Variants in LLPH observed in about 807,000 individuals in gnomAD.
LLPH encodes protein LLP homolog.
Under a neutral mutation model 13.3 loss-of-function variants are expected in LLPH, and 5 were observed. The ratio of observed to expected loss-of-function variants is 0.38; its 90% CI spans 0.20 to 0.79. The LOEUF (loss-of-function observed/expected upper bound fraction) is 0.79. Among genes scored for constraint, LLPH ranks in the 30% least tolerant of loss-of-function variants. The pLI is 0.45. For missense variants in LLPH, 129 were observed against 152.1 expected, an observed-to-expected ratio of 0.85 and a Z score of 0.80; for synonymous variants, 32 against 44.2, an observed-to-expected ratio of 0.72 and a Z score of 1.09.
chr12:66,129,248 T>C, intron 1 of LLPH, 135 bp from the exon 2 acceptor site: 1 of 637,666 alleles, frequency 1.6e-6, no homozygotes, highest in Non-Finnish European at 2.8e-6. Flanking sequence ...TCTGTTCACT[T>C]TTTAGGACTT....
intron 2 of LLPH, among the ~76,000 whole-genome samples, chr12:66,126,508 T>C (rs1204436868): frequency 6.6e-6 from 1 of 152,202 alleles, no homozygotes; most frequent in Non-Finnish European, 1.5e-5. Context: ...GGGCATCTGG[T>C]ATCTAGAACA....
intron 1 of LLPH, 71 bp from the exon 2 acceptor site, chr12:66,129,184 A>G: frequency 9.9e-7 from 1 of 1,007,972 alleles, no homozygotes; most frequent in Non-Finnish European, 1.5e-6. Flanking sequence ...AAATCCTTAG[A>G]AAACCAGGCC....
In LLPH at chr12:66,123,934, T is replaced by C; in HGVS notation, c.296A>G (p.Gln99Arg). The change falls in exon 3 of 3, where the codon CAA becomes CGA. Residue 99 changes from glutamine (Q) to arginine (R), a missense_variant. Coordinates refer to ENST00000266604, the MANE Select transcript of LLPH (RefSeq NM_032338.4). Reference protein sequence around the residue: ...QHGQYPIWMNQRQRKRLKAKR... With the variant: ...QHGQYPIWMNRRQRKRLKAKR... Reference sequence around the variant, plus strand: ...TGCCTTCAGCCTTTTTCTTTGCCTTTGGTTCATCCATATTGGGTACTGTCC... The same window carrying C: ...TGCCTTCAGCCTTTTTCTTTGCCTTCGGTTCATCCATATTGGGTACTGTCC... 7 of 1,613,184 alleles carry C rather than the reference T, an allele frequency of 4.3e-6. No homozygotes were observed. Among genetic ancestry groups the C allele is most frequent in the Non-Finnish European group, 5.9e-6 (7 of 1,179,416 alleles).
rs1565778059 is a variant in LLPH, at chr12:66,129,067, G to GC, written c.39dup (p.Arg14AlafsTer3). Reference sequence around the variant, plus strand: ...GCATTCTTTTTTCTCTTTTCAGCACGCATCTTTCTTTTCCACTTACTCCGT... The same window carrying GC: ...GCATTCTTTTTTCTCTTTTCAGCACGCCATCTTTCTTTTCCACTTACTCCGT... On this transcript the variant is annotated frameshift_variant, in exon 2 of 3. Coordinates refer to ENST00000266604, the MANE Select transcript of LLPH (RefSeq NM_032338.4). LOFTEE classifies it high-confidence loss of function. 6.2e-7 allele frequency: 1 copy of GC among 1,611,834 alleles called. No individual in the cohort carries two copies. The highest frequency in any genetic ancestry group is 1.1e-5 in the South Asian group (1 of 90,668).
intron 1 of LLPH, among the ~76,000 whole-genome samples, chr12:66,129,760 C>G (rs2051522915): frequency 1.3e-5 from 2 of 152,154 alleles, no homozygotes; most frequent in South Asian, 4.1e-4. Context: ...TATGCAACAG[C>G]TTACAAATTA....
At chr12:66,129,617 C>T (rs1297672826) in intron 1 of LLPH, among the ~76,000 whole-genome samples, 2 of 152,108 alleles carry the variant, frequency 1.3e-5, no homozygotes, top group East Asian at 3.9e-4. Flanking sequence ...GATCTCCTGA[C>T]ATTGTGATCC....
In LLPH at chr12:66,123,641, T is replaced by A. The variant is rs962921615; in HGVS notation, c.*199A>T. 1.7e-6 allele frequency: 1 copy of A among 593,086 alleles called. No homozygotes were observed. The highest frequency in any genetic ancestry group is 1.9e-5 in the African/African-American group (1 of 53,602). The allele number at this position is 593,086 out of a possible 1,614,324, so 36.7% of individuals were successfully genotyped here. A position where few individuals can be genotyped will look rare whatever the true frequency, so the allele number is the denominator to read the frequency against. On this transcript the variant is annotated 3_prime_UTR_variant, in exon 3 of 3. Transcript: ENST00000266604. ...AGTTAAAGTATCAGTAGAGCTTGGA[T>A]GTATCAAAGAAAATATTTTATTCAA...
rs1286847717 is a variant in LLPH at position 66,121,918 on chromosome 12, C to T, written c.*1922G>A. 6.7e-6 allele frequency: 1 copy of T among 149,812 alleles called. No individual in the cohort carries two copies. Among genetic ancestry groups the T allele is most frequent in the East Asian group, 2.0e-4 (1 of 5,094 alleles). 9.3% of individuals were successfully genotyped at this position (149,812 alleles called of 1,614,324 possible). Reference sequence around the variant, plus strand: ...AAAAAAAAAAACATAAATAATTCAGCTACTGTATTTAGGCTGATATTGTCA... The same window carrying T: ...AAAAAAAAAAACATAAATAATTCAGTTACTGTATTTAGGCTGATATTGTCA... On this transcript the variant is annotated 3_prime_UTR_variant, in exon 3 of 3. Transcript: ENST00000266604.
At position 66,120,294 on chromosome 12, in the gene LLPH, T is replaced by A. The variant is rs769643807; in HGVS notation, c.*3546A>T. Reference sequence around the variant, plus strand: ...TGACCCAAAAATAGGTATTCTATCCTAAAATCACCTTTCTCTCTTAGCAAG... The same window carrying A: ...TGACCCAAAAATAGGTATTCTATCCAAAAATCACCTTTCTCTCTTAGCAAG... On this transcript the variant is annotated 3_prime_UTR_variant, in exon 3 of 3. Transcript: ENST00000266604. 1.2e-4 allele frequency: 18 copies of A among 152,244 alleles called. No individual in the cohort carries two copies. The highest frequency in any genetic ancestry group is 2.2e-4 in the Non-Finnish European group (15 of 68,054). The allele number at this position is 152,244 out of a possible 1,614,324, so 9.4% of individuals were successfully genotyped here.
chr12:66,125,330 T>C (rs906633623), intron 2 of LLPH, among the ~76,000 whole-genome samples: 1 of 152,038 alleles, frequency 6.6e-6, no homozygotes, highest in Non-Finnish European at 1.5e-5. Flanking sequence ...TTTGGGACAA[T>C]CAGTAAGACT....
intron 2 of LLPH, 53 bp downstream of exon 2, chr12:66,128,843 T>C (rs2136831544): frequency 8.7e-7 from 1 of 1,151,754 alleles, no homozygotes; most frequent in Non-Finnish European, 1.2e-6. Context: ...AAGGAGACCC[T>C]GCCTCAAAAA....
Position 66,116,618 on chromosome 12 carries a change from A to G in LLPH, c.*7222T>C, listed in dbSNP as rs1208060780. On this transcript the variant is annotated 3_prime_UTR_variant, in exon 3 of 3. Transcript: ENST00000266604. Reference sequence around the variant, plus strand: ...CCACATGTACTAACAGTTGCTGTACAATGATACACAACACCCAACTAAGAC... The same window carrying G: ...CCACATGTACTAACAGTTGCTGTACGATGATACACAACACCCAACTAAGAC... 1.3e-5 allele frequency: 2 copies of G among 152,238 alleles called. No homozygotes were observed. The highest frequency in any genetic ancestry group is 4.8e-5 in the African/African-American group (2 of 41,464). 9.4% of individuals were successfully genotyped at this position (152,238 alleles called of 1,614,324 possible). A position where few individuals can be genotyped will look rare whatever the true frequency, so the allele number is the denominator to read the frequency against.
rs1489436107 is a variant in LLPH at position 66,121,259 on chromosome 12, G to C, written c.*2581C>G. The C allele has an allele frequency of 6.6e-6, 1 of 150,592 alleles. No homozygotes were observed. Among genetic ancestry groups the C allele is most frequent in the Admixed American group, 6.6e-5 (1 of 15,094 alleles). 9.3% of individuals were successfully genotyped at this position (150,592 alleles called of 1,614,324 possible). On this transcript the variant is annotated 3_prime_UTR_variant, in exon 3 of 3. Transcript: ENST00000266604. ...GCCAAAATGTAAATAAGTGCCAACT[G>C]TGTAATATCACGAATGTAGACTTTT...
At chr12:66,125,646 C>T (rs942871456) in intron 2 of LLPH, among the ~76,000 whole-genome samples, 2 of 152,260 alleles carry the variant, frequency 1.3e-5, no homozygotes, top group South Asian at 2.1e-4. Flanking sequence ...TTAACAGATT[C>T]TGATACAGGA....
rs530595084 is a variant in LLPH at position 66,128,582 on chromosome 12, G to T, written c.211+314C>A. On this transcript the variant is annotated intron_variant, in intron 2 of 2. Coordinates refer to ENST00000266604, the MANE Select transcript of LLPH (RefSeq NM_032338.4). The stretch of plus-strand genomic sequence containing the variant: ...TACTCCTGTAGAACTGTTTATTCCT[G>T]AGACATGGAGGCTATTGTATAAGCA... 4.6e-5 allele frequency among the ~76,000 whole-genome samples: 7 copies of T among 152,272 alleles called. No individual in the cohort carries two copies. In the South Asian group the frequency reaches 1.5e-3, roughly 32 times the overall value.
rs1251201728 is a variant in LLPH at position 66,123,020 on chromosome 12, A to G, written c.*820T>C. 2.0e-5 allele frequency: 3 copies of G among 152,198 alleles called. No individual in the cohort carries two copies. The highest frequency in any genetic ancestry group is 7.2e-5 in the African/African-American group (3 of 41,442). 9.4% of individuals were successfully genotyped at this position (152,198 alleles called of 1,614,324 possible). ...TTGAAATCTGGTCTTCTCTAGGACT[A>G]AAAAACCTTAAGCATACATGAAAGA... is the stretch of plus-strand genomic sequence containing the variant. On this transcript the variant is annotated 3_prime_UTR_variant, in exon 3 of 3. Coordinates refer to ENST00000266604, the MANE Select transcript of LLPH (RefSeq NM_032338.4).
At chr12:66,125,437 G>C (rs2051490072) in intron 2 of LLPH, among the ~76,000 whole-genome samples, 1 of 152,024 alleles carries the variant, frequency 6.6e-6, no homozygotes, top group African/African-American at 2.4e-5. Context: ...TGAAAGAGTA[G>C]AAATAAGGAA....
chr12:66,126,624 T>C (rs574267018), intron 2 of LLPH, among the ~76,000 whole-genome samples: 31 of 151,820 alleles, frequency 2.0e-4, no homozygotes, highest in African/African-American at 7.5e-4. Context: ...ATACAAATGG[T>C]CAATCAGCAT....
At position 66,125,432 on chromosome 12, in the gene LLPH, GAGT is replaced by G. The variant is rs370457759; in HGVS notation, c.212-1417_212-1415del. ...TAAGAAATCAGGCAGGCAGTTGAAA[GAGT>G]AGAAATAAGGAAAAACATGAACTTG... On this transcript the variant is annotated intron_variant, in intron 2 of 2. Coordinates refer to ENST00000266604, the MANE Select transcript of LLPH (RefSeq NM_032338.4). Among the ~76,000 whole-genome samples, 852 of 152,290 alleles carry G rather than the reference GAGT, an allele frequency of 5.6e-3. 11 individuals carry two copies. The highest frequency in any genetic ancestry group is 0.02 in the African/African-American group (835 of 41,546).
Sources: gnomAD v4.1 joint callset for allele counts (sites outside exome capture counted in the v4.1 genomes callset) on GRCh38, gnomAD v4.1.1 for gene constraint, MANE v1.5 for transcripts, NCBI Gene and HGNC (gene_info 2026-07-23, HGNC 2026-07-21) for gene names.